Variants in SERPINI1 observed in about 807,000 individuals in gnomAD.
SERPINI1 encodes the protein serpin family I member 1, also known as neuroserpin.
Under a neutral mutation model 41.1 loss-of-function variants are expected in SERPINI1, and 19 were observed. The ratio of observed to expected loss-of-function variants is 0.46; its 90% confidence interval spans 0.32 to 0.68. SERPINI1 has a LOEUF of 0.68. Ranked by LOEUF, SERPINI1 falls within the 30% of genes least tolerant of loss-of-function variation. The pLI, the probability that SERPINI1 is intolerant of heterozygous loss-of-function variation, is 0.03. For synonymous variants in SERPINI1, 138 were observed against 156.6 expected, an observed-to-expected ratio of 0.88 and a Z score of 0.89; for missense variants, 460 against 479.2, an observed-to-expected ratio of 0.96 and a Z score of 0.37.
At chr3:167,787,369 G>A (rs1251240340) in intron 1 of SERPINI1, among the ~76,000 whole-genome samples, 2 of 152,220 alleles carry the variant, frequency 1.3e-5, no homozygotes, top group African/African-American at 4.8e-5. Context: ...TGTATTGTAT[G>A]TAATTGTGCT....
intron 4 of SERPINI1, 55 bp from the exon 5 acceptor site, chr3:167,794,565 C>G: frequency 6.7e-7 from 1 of 1,483,728 alleles, no homozygotes; most frequent in Non-Finnish European, 9.4e-7. Flanking sequence ...TCTCTCGCCC[C>G]CAGCTTTTTT....
chr3:167,739,595 C>T (rs1406347323), intron 1 of SERPINI1, among the ~76,000 whole-genome samples: 1 of 152,180 alleles, frequency 6.6e-6, no homozygotes, highest in East Asian at 1.9e-4. Flanking sequence ...CTTAATTTCA[C>T]AGACAGAAAA....
chr3:167,761,818 A>G (rs1197772161), intron 1 of SERPINI1, among the ~76,000 whole-genome samples: 3 of 152,220 alleles, frequency 2.0e-5, no homozygotes, highest in African/African-American at 7.2e-5. Context: ...AATTTGCAAC[A>G]CAAATGGGAA....
chr3:167,746,934 T>C lies in SERPINI1; in HGVS notation c.-19+11111T>C, dbSNP rs144341470. 3.0e-3 allele frequency among the ~76,000 whole-genome samples: 453 copies of C among 152,300 alleles called. 4 individuals are homozygous for C. Among genetic ancestry groups the C allele is most frequent in the African/African-American group, 0.01 (430 of 41,590 alleles). On this transcript the variant is annotated intron_variant, in intron 1 of 8. Coordinates refer to ENST00000446050, the MANE Select transcript of SERPINI1 (RefSeq NM_001122752.2). ...ACCCAGCAGTTCCACTGTAGGTATA[T>C]GCCGAAAAGAGTTGAAAAAATGTTT...
Position 167,823,129 on chromosome 3 carries a change from T to C in SERPINI1, c.1066+57T>C. On this transcript the variant is annotated intron_variant, in intron 7 of 8. Coordinates refer to ENST00000446050, the MANE Select transcript of SERPINI1 (RefSeq NM_001122752.2). ...TAGATTTGTATTTTTAGAGCAATCT[T>C]GAGTGGGGAGTGGGGTCATTTTCAA... The C allele has an allele frequency of 6.8e-6, 8 of 1,173,482 alleles. No homozygotes were observed. The South Asian group carries it at 9.7e-5, about 14-fold the overall frequency. 72.7% of individuals were successfully genotyped at this position (1,173,482 alleles called of 1,614,324 possible).
At chr3:167,768,713 T>A (rs1202866956) in intron 1 of SERPINI1, among the ~76,000 whole-genome samples, 1 of 152,202 alleles carries the variant, frequency 6.6e-6, no homozygotes. Flanking sequence ...TTCTCTAACG[T>A]ATTATGCACA....
At chr3:167,818,133 C>T (rs7640486) in intron 6 of SERPINI1, among the ~76,000 whole-genome samples, 14,322 of 152,032 alleles carry the variant, frequency 0.094, 772 homozygotes, top group African/African-American at 0.13. Flanking sequence ...TCAAGAGATT[C>T]TCCTGTCTCA....
At chr3:167,824,908 T>C (rs193151953) in intron 8 of SERPINI1, among the ~76,000 whole-genome samples, 4 of 152,144 alleles carry the variant, frequency 2.6e-5, no homozygotes, top group East Asian at 1.9e-4. Flanking sequence ...TAGCCAGGCA[T>C]GGTGGCACAT....
rs769937767 is a variant in SERPINI1 at position 167,789,392 on chromosome 3, G to C, written c.250+14G>C. ...GCCTAAAAAATGGTAAGAGTGATCA[G>C]GTTTGATTTCTCAAGACTTTTGAAT... On this transcript the variant is annotated intron_variant, in intron 2 of 8. Coordinates refer to ENST00000446050, the MANE Select transcript of SERPINI1 (RefSeq NM_001122752.2). 6 of 1,613,854 alleles carry C rather than the reference G, an allele frequency of 3.7e-6. No individual in the cohort carries two copies. The East Asian group carries it at 1.1e-4, about 30-fold the overall frequency.
At chr3:167,813,804 C>A (rs1711974552) in intron 6 of SERPINI1, among the ~76,000 whole-genome samples, 1 of 152,066 alleles carries the variant, frequency 6.6e-6, no homozygotes, top group African/African-American at 2.4e-5. Flanking sequence ...AGGGTAGATA[C>A]CGAGTGGGTG....
At position 167,799,283 on chromosome 3, in the gene SERPINI1, A is replaced by G. The variant is rs1294597602; in HGVS notation, c.881+4459A>G. On this transcript the variant is annotated intron_variant, in intron 5 of 8. Transcript: ENST00000446050. ...GTTCAACTCCCACTTGTGAGTGACA[A>G]CATGCGGTGTTTGGTTTTCTGTTCC... is the stretch of plus-strand genomic sequence containing the variant. Among the ~76,000 whole-genome samples the G allele has an allele frequency of 2.0e-5, 3 of 152,100 alleles. No homozygotes were observed. The East Asian group carries it at 5.8e-4, about 29-fold the overall frequency.
rs143715261 is a variant in SERPINI1 at position 167,774,746 on chromosome 3, G to A, written c.-18-14365G>A. 3.2e-3 allele frequency among the ~76,000 whole-genome samples: 486 copies of A among 151,676 alleles called. 2 individuals carry two copies. Among genetic ancestry groups the A allele is most frequent in the African/African-American group, 0.011 (469 of 41,278 alleles). On this transcript the variant is annotated intron_variant, in intron 1 of 8. Coordinates refer to ENST00000446050, the MANE Select transcript of SERPINI1 (RefSeq NM_001122752.2). The stretch of plus-strand genomic sequence containing the variant: ...ATCTAACTAATGCCTGATGATCTGA[G>A]GTGGAGCAGTTTCATCCCCAAACCA...
At chr3:167,752,426 C>G (rs1282079947) in intron 1 of SERPINI1, among the ~76,000 whole-genome samples, 1 of 152,148 alleles carries the variant, frequency 6.6e-6, no homozygotes, top group Non-Finnish European at 1.5e-5. Flanking sequence ...ACCCAGCTGG[C>G]TGAGTTTAAA....
At chr3:167,779,489 G>A (rs1727055039) in intron 1 of SERPINI1, among the ~76,000 whole-genome samples, 2 of 152,156 alleles carry the variant, frequency 1.3e-5, no homozygotes, top group Non-Finnish European at 2.9e-5. Flanking sequence ...CATTATTATG[G>A]ACTAGAATCA....
At chr3:167,808,067 G>A (rs1015643757) in intron 6 of SERPINI1, among the ~76,000 whole-genome samples, 2 of 151,816 alleles carry the variant, frequency 1.3e-5, no homozygotes, top group East Asian at 1.9e-4. Flanking sequence ...GAAGTGAGCC[G>A]AGATTGCACC....
chr3:167,818,831 G>A (rs1712216341), intron 6 of SERPINI1, among the ~76,000 whole-genome samples: 1 of 152,182 alleles, frequency 6.6e-6, no homozygotes, highest in East Asian at 1.9e-4. Flanking sequence ...GCCTACTGCA[G>A]CCAGCTGGTC....
chr3:167,740,409 G>A (rs1329625133), intron 1 of SERPINI1, among the ~76,000 whole-genome samples: 1 of 152,070 alleles, frequency 6.6e-6, no homozygotes, highest in African/African-American at 2.4e-5. Flanking sequence ...CAGATACTTA[G>A]TATCTTTAGA....
chr3:167,789,202 C>T lies in SERPINI1; in HGVS notation c.74C>T (p.Ala25Val), dbSNP rs376206610. Reference sequence around the variant, plus strand: ...ACAGGGGCCACTTTCCCTGAGGAAGCCATTGCTGACTTGTCAGTGAATATG... The same window carrying T: ...ACAGGGGCCACTTTCCCTGAGGAAGTCATTGCTGACTTGTCAGTGAATATG... ...MATGATFPEE[A>V]IADLSVNMYN... The change falls in exon 2 of 9, where the codon GCC (alanine) becomes GTC (valine). Residue 25 changes from alanine (A) to valine (V), a missense_variant. Ala to Val is a moderately conservative substitution (Grantham distance 64). Transcript: ENST00000446050. The T allele has an allele frequency of 6.8e-6, 11 of 1,614,036 alleles. No individual in the cohort carries two copies. The African/African-American group carries it at 1.3e-4, about 20-fold the overall frequency.
chr3:167,764,066 A>C (rs1726478004), intron 1 of SERPINI1, among the ~76,000 whole-genome samples: 1 of 152,084 alleles, frequency 6.6e-6, no homozygotes, highest in South Asian at 2.1e-4. Flanking sequence ...TCTTTATTGC[A>C]AAAAACACTT....
Sources: allele counts gnomAD v4.1 joint callset (sites outside exome capture counted in the v4.1 genomes callset), GRCh38; gene constraint gnomAD v4.1.1; transcripts MANE v1.5; gene names NCBI Gene and HGNC (gene_info 2026-07-23, HGNC 2026-07-21).